PATL1: variants seen among roughly 807,000 people sequenced by gnomAD.
PATL1 encodes PAT1 homolog 1, processing body mRNA decay factor, also known as protein PAT1 homolog 1.
Under a neutral mutation model 100.6 loss-of-function variants are expected in PATL1, and 32 were observed. That is an observed-to-expected ratio of 0.32 (90% CI 0.24 to 0.43). The LOEUF (loss-of-function observed/expected upper bound fraction) is 0.43. PATL1 is among the 20% of genes least tolerant of loss of function. The pLI, the probability that PATL1 is intolerant of heterozygous loss-of-function variation, is 1.00. For synonymous variants in PATL1, 332 were observed against 330.0 expected, an observed-to-expected ratio of 1.01 and a Z score of -0.07; for missense variants, 747 against 949.9, an observed-to-expected ratio of 0.79 and a Z score of 2.81.
At chr11:59,640,996 A>C (rs1238985284) in intron 16 of PATL1, among the ~76,000 whole-genome samples, 1 of 152,034 alleles carries the variant, frequency 6.6e-6, no homozygotes, top group African/African-American at 2.4e-5. Flanking sequence ...ACATGGCAAA[A>C]CCCTGTCTCT....
chr11:59,652,766 A>G (rs1036676636), intron 10 of PATL1, 72 bp downstream of exon 10: 47 of 1,518,954 alleles, frequency 3.1e-5, no homozygotes, highest in Admixed American at 2.2e-4. Context: ...AATTGTACCA[A>G]TATTTAAATG....
In PATL1 at chr11:59,649,458, T is replaced by G. The variant is rs757703178; in HGVS notation, c.1733+4A>C. On this transcript the variant is annotated splice_donor_region_variant and intron_variant, in intron 14 of 18. Transcript: ENST00000300146. The stretch of plus-strand genomic sequence containing the variant: ...ATGTTTTCCTCAAACTGCACGATGC[T>G]TACCTCTCTTGTCCAGGCAATTTCC... 4 of 1,613,460 alleles carry G rather than the reference T, an allele frequency of 2.5e-6. No individual in the cohort carries two copies. In the Admixed American group the frequency reaches 6.7e-5, roughly 27 times the overall value.
At chr11:59,645,594 G>A (rs1861353523) in intron 15 of PATL1, among the ~76,000 whole-genome samples, 1 of 151,984 alleles carries the variant, frequency 6.6e-6, no homozygotes, top group African/African-American at 2.4e-5. Flanking sequence ...TAGGATAAAT[G>A]CTTTTCCTTT....
chr11:59,651,769 C>T (rs957072638), intron 11 of PATL1, 128 bp from the exon 12 acceptor site: 4 of 659,076 alleles, frequency 6.1e-6, no homozygotes, highest in Non-Finnish European at 7.8e-6. Flanking sequence ...CTGCAAAACT[C>T]AATGTATCAT....
chr11:59,666,994 C>T (rs1170631385), intron 1 of PATL1, 30 bp from the exon 2 acceptor site: 7 of 1,529,704 alleles, frequency 4.6e-6, no homozygotes, highest in African/African-American at 4.2e-5. Flanking sequence ...ATTAGTTATT[C>T]ATGAAATTCA....
At chr11:59,666,493 TTA>T (rs1246531149) in intron 2 of PATL1, among the ~76,000 whole-genome samples, 2 of 152,198 alleles carry the variant, frequency 1.3e-5, no homozygotes, top group African/African-American at 4.8e-5. Context: ...TTTCCATAAG[TTA>T]TATGTTATAC....
Position 59,647,756 on chromosome 11 carries a change from C to T in PATL1, c.1891G>A (p.Glu631Lys), listed in dbSNP as rs1410678686. The T allele has an allele frequency of 6.2e-7, 1 of 1,613,906 alleles. No individual in the cohort carries two copies. The highest frequency in any genetic ancestry group is 1.7e-5 in the Admixed American group (1 of 60,024). The change falls in exon 15 of 19, where the codon GAG (glutamate) becomes AAG (lysine). Residue 631 changes from glutamate (E) to lysine (K), a missense_variant and splice_region_variant. By Grantham distance (56) the Glu-to-Lys change is moderately conservative. Transcript: ENST00000300146. The stretch of plus-strand genomic sequence containing the variant: ...GATGTCCCATCTTGCATAGTCACCT[C>T]ATCTTGTGCATCCTTCTTGATAAGG... ...PFLIKKDAQDEVLPCLLSPFS... is the reference protein window; with the variant it reads ...PFLIKKDAQDKVLPCLLSPFS...
At chr11:59,662,306 C>T (rs1861637281) in intron 2 of PATL1, among the ~76,000 whole-genome samples, 1 of 152,148 alleles carries the variant, frequency 6.6e-6, no homozygotes, top group African/African-American at 2.4e-5. Flanking sequence ...CATGGGTCTT[C>T]TTTATAATTA....
In PATL1 at chr11:59,656,568, G is replaced by A. The variant is rs770163934; in HGVS notation, c.654C>T (p.Pro218=). Residue 218 remains proline (P), a synonymous_variant, in exon 6 of 19, where the codon CCC becomes CCT. Transcript: ENST00000300146. The part of the protein sequence containing the change: ...ILCPKPVHVR[P]PMPPRYPAPY... ...GAGCAGGATAACGAGGTGGCATTGG[G>A]GGCCGAACATGGACAGGCTTCGGAC... The A allele has an allele frequency of 3.7e-6, 6 of 1,613,870 alleles. No homozygotes were observed. In the East Asian group the frequency reaches 6.7e-5, roughly 18 times the overall value.
intron 13 of PATL1, 136 bp from the exon 14 acceptor site, chr11:59,649,746 T>C: frequency 1.1e-6 from 1 of 899,994 alleles, no homozygotes. Flanking sequence ...TTTTTTAATG[T>C]AGAAAACCAT....
At position 59,644,891 on chromosome 11, in the gene PATL1, T is replaced by TA. The variant is rs1491119322; in HGVS notation, c.1894-1857_1894-1856insT. Among the ~76,000 whole-genome samples the TA allele has an allele frequency of 7.1e-4, 4 of 5,598 alleles. No individual in the cohort carries two copies. The East Asian group carries it at 0.042, about 58-fold the overall frequency. The allele number at this position is 5,598 out of a possible 152,430, so 3.7% of individuals were successfully genotyped here. Reference sequence around the variant, plus strand: ...GACAACATAGGGAGACTTCGTTTCCTTTTTTTTTTTTTTTTTTTAAAAAAA... The same window carrying TA: ...GACAACATAGGGAGACTTCGTTTCCTATTTTTTTTTTTTTTTTTTAAAAAAA... On this transcript the variant is annotated intron_variant, in intron 15 of 18. Transcript: ENST00000300146.
intron 2 of PATL1, among the ~76,000 whole-genome samples, chr11:59,664,455 C>A (rs894113760): frequency 1.3e-5 from 2 of 152,142 alleles, no homozygotes; most frequent in Non-Finnish European, 2.9e-5. Context: ...CTAGCTAATT[C>A]ATTTTAATAC....
intron 2 of PATL1, among the ~76,000 whole-genome samples, chr11:59,661,535 T>C (rs548223273): frequency 6.8e-4 from 104 of 152,360 alleles, no homozygotes; most frequent in African/African-American, 2.2e-3. Context: ...ATATGTTATA[T>C]GGTATTCTTT....
chr11:59,662,007 ATAAAC>A (rs1295712980), intron 2 of PATL1, among the ~76,000 whole-genome samples: 2 of 152,224 alleles, frequency 1.3e-5, no homozygotes, highest in Admixed American at 6.5e-5. Flanking sequence ...GACTATTTAA[ATAAAC>A]TAATTTCCTT....
chr11:59,638,145 G>A lies in PATL1; in HGVS notation c.*245C>T. The A allele has an allele frequency of 1.8e-6, 1 of 553,992 alleles. No homozygotes were observed. The allele number at this position is 553,992 out of a possible 1,614,324, so 34.3% of individuals were successfully genotyped here. A position where few individuals can be genotyped will look rare whatever the true frequency, so the allele number is the denominator to read the frequency against. ...TGCAAAACAGAACTGAGTAAAAGTA[G>A]GACATGCAGAACTGTAACACAGAAG... On this transcript the variant is annotated 3_prime_UTR_variant, in exon 19 of 19. Coordinates refer to ENST00000300146, the MANE Select transcript of PATL1 (RefSeq NM_152716.3).
At position 59,636,972 on chromosome 11, in the gene PATL1, C is replaced by T; in HGVS notation, c.*1418G>A. On this transcript the variant is annotated 3_prime_UTR_variant, in exon 19 of 19. Coordinates refer to ENST00000300146, the MANE Select transcript of PATL1 (RefSeq NM_152716.3). Reference sequence around the variant, plus strand: ...CAGCTGGTGGAGCCTGGGGTTACAGCATGGGAAGAAATGGAGATGGAGAAC... The same window carrying T: ...CAGCTGGTGGAGCCTGGGGTTACAGTATGGGAAGAAATGGAGATGGAGAAC... The T allele has an allele frequency of 6.5e-6, 1 of 152,726 alleles. No individual in the cohort carries two copies. Among genetic ancestry groups the T allele is most frequent in the Non-Finnish European group, 1.5e-5 (1 of 68,112 alleles). The allele number at this position is 152,726 out of a possible 1,614,324, so 9.5% of individuals were successfully genotyped here.
Position 59,655,711 on chromosome 11 carries a change from C to T in PATL1, c.843G>A (p.Gln281=). The T allele has an allele frequency of 6.2e-7, 1 of 1,600,584 alleles. No individual in the cohort carries two copies. The highest frequency in any genetic ancestry group is 8.5e-7 in the Non-Finnish European group (1 of 1,173,480). ...QLQPGRMSPS[Q]FARVPGFVGS... is the part of the protein sequence containing the mutation. ...CAACAAATCCAGGGACCCGTGCAAACTGGCTGGGAGACATCCGTCCAGGCT... is the reference window on the plus strand; with the variant it reads ...CAACAAATCCAGGGACCCGTGCAAATTGGCTGGGAGACATCCGTCCAGGCT... Residue 281 remains glutamine, a synonymous_variant, in exon 8 of 19, where the codon CAG becomes CAA. Coordinates refer to ENST00000300146, the MANE Select transcript of PATL1 (RefSeq NM_152716.3).
At position 59,651,611 on chromosome 11, in the gene PATL1, G is replaced by C. The variant is rs1292275812; in HGVS notation, c.1457C>G (p.Thr486Ser). The C allele has an allele frequency of 6.2e-7, 1 of 1,610,270 alleles. No homozygotes were observed. The highest frequency in any genetic ancestry group is 1.1e-5 in the South Asian group (1 of 90,780). ...TCGGGGATTATTCACACTAGAAACGGTAAGCTTTCCCAAAGAGCCCTCAAA... is the reference window on the plus strand; with the variant it reads ...TCGGGGATTATTCACACTAGAAACGCTAAGCTTTCCCAAAGAGCCCTCAAA... ...VQFEGSLGKL[T>S]VSSVNNPRKM... is the part of the protein sequence containing the mutation. The change falls in exon 12 of 19, where the codon ACC (threonine) becomes AGC (serine). Residue 486 changes from threonine (T) to serine (S), a missense_variant. Around this residue, in one of 4 missense-constraint regions of PATL1, gnomAD observed 434 missense variants for 596.1 expected, o/e 0.73. Coordinates refer to ENST00000300146, the MANE Select transcript of PATL1 (RefSeq NM_152716.3).
chr11:59,651,648 AGAC>A lies in PATL1; in HGVS notation c.1427-10_1427-8del. 6.4e-7 allele frequency: 1 copy of A among 1,558,086 alleles called. No homozygotes were observed. On this transcript the variant is annotated splice_region_variant and splice_polypyrimidine_tract_variant and intron_variant, in intron 11 of 18. Transcript: ENST00000300146. ...AAAGAGCCCTCAAATTGCACTGCAA[AGAC>A]AAAAAAAAAAAAAATTCCAACAAAA...
Sources: gnomAD v4.1 joint callset for allele counts (sites outside exome capture counted in the v4.1 genomes callset) on GRCh38, gnomAD v4.1.1 for gene constraint, gnomAD v4.1.1 regional missense constraint, MANE v1.5 for transcripts, NCBI Gene and HGNC (gene_info 2026-07-23, HGNC 2026-07-21) for gene names.